Variants in URM1 observed in about 807,000 individuals in gnomAD.
URM1 encodes the protein ubiquitin related modifier 1, also known as ubiquitin-related modifier 1.
A neutral mutation model predicts 17.7 loss-of-function variants in URM1; 11 were observed. The observed-to-expected ratio is 0.62, with a 90% CI of 0.39 to 1.03. URM1 has a LOEUF of 1.03. URM1 is among the 50% of genes least tolerant of loss of function. The pLI, the probability that URM1 is intolerant of heterozygous loss-of-function variation, is 0.00. For missense variants in URM1, 128 were observed against 129.2 expected (o/e 0.99, Z 0.04); for synonymous variants, 48 against 50.6 (o/e 0.95, Z 0.22).
chr9:128,377,911 T>C, intron 1 of URM1, 125 bp from the exon 2 acceptor site: 1 of 913,086 alleles, frequency 1.1e-6, no homozygotes, highest in Non-Finnish European at 1.7e-6. Flanking sequence ...AAGGTGTTTC[T>C]GCACCTTAGT....
chr9:128,380,316 C>T (rs1417292543), intron 2 of URM1, among the ~76,000 whole-genome samples: 3 of 152,100 alleles, frequency 2.0e-5, no homozygotes, highest in South Asian at 2.1e-4. Context: ...GTCTGCCACA[C>T]GTGGAGGCTG....
intron 2 of URM1, among the ~76,000 whole-genome samples, chr9:128,380,224 A>G (rs1833140944): frequency 6.6e-6 from 1 of 152,170 alleles, no homozygotes; most frequent in Non-Finnish European, 1.5e-5. Context: ...CCAGGAATCA[A>G]TTATTATTGC....
At chr9:128,375,886 GA>G (rs969355203) in intron 1 of URM1, among the ~76,000 whole-genome samples, 1 of 151,964 alleles carries the variant, frequency 6.6e-6, no homozygotes, top group Non-Finnish European at 1.5e-5. Context: ...TAATAACAAA[GA>G]AAAAAGAAGA....
intron 2 of URM1, among the ~76,000 whole-genome samples, chr9:128,386,183 C>T (rs1438272489): frequency 1.3e-5 from 2 of 152,222 alleles, no homozygotes; most frequent in Non-Finnish European, 2.9e-5. Flanking sequence ...CACCCCCGCC[C>T]GCTAGGGCTG....
At position 128,389,879 on chromosome 9, in the gene URM1, G is replaced by T; in HGVS notation, c.*145G>T. The stretch of plus-strand genomic sequence containing the variant: ...CTAAGCTCCCTCCAGGCAGGGAAAA[G>T]AGGCCAGGTGCTAAAAATGAGCCTT... On this transcript the variant is annotated 3_prime_UTR_variant, in exon 5 of 5. Transcript: ENST00000372853. 1 of 1,129,296 alleles carries T rather than the reference G, an allele frequency of 8.9e-7. No individual in the cohort carries two copies. The highest frequency in any genetic ancestry group is 1.2e-6 in the Non-Finnish European group (1 of 810,076). The allele number at this position is 1,129,296 out of a possible 1,614,324, so 70.0% of individuals were successfully genotyped here. A position where few individuals can be genotyped will look rare whatever the true frequency, so the allele number is the denominator to read the frequency against.
chr9:128,373,117 A>G (rs1047193930), intron 1 of URM1, among the ~76,000 whole-genome samples: 1 of 152,052 alleles, frequency 6.6e-6, no homozygotes, highest in African/African-American at 2.4e-5. Flanking sequence ...CTCTAACTTC[A>G]GTCTCCCTTA....
At chr9:128,389,612 T>C in intron 4 of URM1, 54 bp from the exon 5 acceptor site, 1 of 1,609,582 alleles carries the variant, frequency 6.2e-7, no homozygotes, top group South Asian at 1.1e-5. Context: ...ACTCCTGGGG[T>C]GGACCTGGGA....
intron 3 of URM1, 95 bp from the exon 4 acceptor site, chr9:128,389,166 C>T (rs1365759293): frequency 7.3e-6 from 11 of 1,506,734 alleles, no homozygotes; most frequent in African/African-American, 4.2e-5. Flanking sequence ...CTCCTCAGCA[C>T]ACTCTCCTGC....
intron 1 of URM1, among the ~76,000 whole-genome samples, chr9:128,374,816 G>A (rs1472095132): frequency 1.3e-5 from 2 of 152,230 alleles, no homozygotes; most frequent in African/African-American, 4.8e-5. Flanking sequence ...CCCAGAGGGA[G>A]AAGCAGCATG....
intron 1 of URM1, among the ~76,000 whole-genome samples, chr9:128,373,302 T>G (rs1833036542): frequency 6.6e-6 from 1 of 152,106 alleles, no homozygotes; most frequent in Non-Finnish European, 1.5e-5. Flanking sequence ...TTTGTCCTTG[T>G]GTTGATGCAC....
intron 2 of URM1, among the ~76,000 whole-genome samples, chr9:128,379,513 G>A (rs1468164573): frequency 6.8e-6 from 1 of 146,774 alleles, no homozygotes; most frequent in African/African-American, 2.5e-5. Flanking sequence ...AATAGGCCAG[G>A]TGTTGGCTGG....
intron 2 of URM1, among the ~76,000 whole-genome samples, chr9:128,382,553 C>G (rs1477317759): frequency 6.6e-6 from 1 of 152,138 alleles, no homozygotes; most frequent in Non-Finnish European, 1.5e-5. Context: ...GAGCTTCCAA[C>G]CCAGCCAATT....
intron 1 of URM1, among the ~76,000 whole-genome samples, chr9:128,377,037 A>G (rs1423189585): frequency 1.3e-5 from 2 of 152,174 alleles, no homozygotes; most frequent in African/African-American, 2.4e-5. Flanking sequence ...TAATAATTAC[A>G]TAGAGACAGG....
intron 2 of URM1, among the ~76,000 whole-genome samples, chr9:128,381,837 C>T (rs1299897995): frequency 6.6e-6 from 1 of 152,268 alleles, no homozygotes; most frequent in African/African-American, 2.4e-5. Context: ...CGCTTTGCCA[C>T]TAACCCATCA....
At chr9:128,378,542 C>CAAAAAAAAAAAAAAAA (rs58676800) in intron 2 of URM1, among the ~76,000 whole-genome samples, 1 of 22,996 alleles carries the variant, frequency 4.3e-5, no homozygotes, top group African/African-American at 8.7e-5. Context: ...GACTCCATCT[C>CAAAAAAAAAAAAAAAA]AAAAAAAAAA....
At chr9:128,371,621 G>A (rs1049997220) in intron 1 of URM1, among the ~76,000 whole-genome samples, 1 of 152,220 alleles carries the variant, frequency 6.6e-6, no homozygotes, top group South Asian at 2.1e-4. Flanking sequence ...CGCACATTGG[G>A]AGGGAAATGC....
chr9:128,388,181 G>A (rs989318637), intron 3 of URM1: 12 of 1,244,224 alleles, frequency 9.6e-6, no homozygotes, highest in South Asian at 7.4e-5. Flanking sequence ...GACTTACTTC[G>A]CTTCTCTGGG....
chr9:128,374,836 AAG>A (rs1307083662), intron 1 of URM1, among the ~76,000 whole-genome samples: 3 of 152,224 alleles, frequency 2.0e-5, no homozygotes, highest in Non-Finnish European at 2.9e-5. Context: ...GGGGCGCTGA[AAG>A]AGCCCTGGCG....
In URM1 at chr9:128,389,012, C is replaced by G. The variant is rs559186587; in HGVS notation, c.189-249C>G. ...ATACTCAGAAACAAAATGACCTGCC[C>G]ATGGTCTGGGTGGTGGTGCTGGCTG... On this transcript the variant is annotated intron_variant, in intron 3 of 4. Transcript: ENST00000372853. 4 of 1,318,972 alleles carry G rather than the reference C, an allele frequency of 3.0e-6. No homozygotes were observed. In the South Asian group the frequency reaches 7.0e-5, roughly 23 times the overall value. 81.7% of individuals were successfully genotyped at this position (1,318,972 alleles called of 1,614,324 possible). A position where few individuals can be genotyped will look rare whatever the true frequency, so the allele number is the denominator to read the frequency against.
Sources: allele counts gnomAD v4.1 joint callset (sites outside exome capture counted in the v4.1 genomes callset), GRCh38; gene constraint gnomAD v4.1.1; transcripts MANE v1.5; gene names NCBI Gene and HGNC (gene_info 2026-07-23, HGNC 2026-07-21).